The following TXNL4A variants were observed in gnomAD, a reference collection of about 807,000 sequenced individuals.
TXNL4A encodes thioredoxin-like protein 4A.
TXNL4A carries 17 observed loss-of-function variants against 14.6 expected under a neutral mutation model. That is an observed-to-expected ratio of 1.16 (90% confidence interval 0.80 to 1.74). TXNL4A has a LOEUF of 1.74. Ranked by LOEUF, TXNL4A falls within the 40% of genes most tolerant of loss-of-function variation. The pLI is 0.00. For synonymous variants in TXNL4A, 83 were observed against 70.6 expected, an observed-to-expected ratio of 1.18 and a Z score of -0.88; for missense variants, 74 against 195.2, an observed-to-expected ratio of 0.38 and a Z score of 3.70.
chr18:80,006,673 CAAT>C (rs1381118002), intron 1 of TXNL4A, among the ~76,000 whole-genome samples: 9 of 152,146 alleles, frequency 5.9e-5, no homozygotes, highest in Non-Finnish European at 1.0e-4. Flanking sequence ...CGTAGACCCA[CAAT>C]GAGTGAGTTT....
At chr18:79,975,095 G>A (rs979719444) in intron 2 of TXNL4A, among the ~76,000 whole-genome samples, 4 of 152,154 alleles carry the variant, frequency 2.6e-5, no homozygotes, top group African/African-American at 9.7e-5. Context: ...ACAATGACTG[G>A]GGGCTGCCCG....
chr18:80,006,081 C>A (rs957693250), intron 1 of TXNL4A, among the ~76,000 whole-genome samples: 1 of 151,580 alleles, frequency 6.6e-6, no homozygotes, highest in African/African-American at 2.4e-5. Context: ...GCAAGATAGA[C>A]CTTATCTCTA....
intron 1 of TXNL4A, among the ~76,000 whole-genome samples, chr18:80,002,859 T>C (rs2051706610): frequency 6.6e-6 from 1 of 152,226 alleles, no homozygotes; most frequent in Non-Finnish European, 1.5e-5. Flanking sequence ...TCTTTCTCAC[T>C]GTGGTGCCAA....
At chr18:79,975,489 CCT>C (rs1051405972) in intron 2 of TXNL4A, among the ~76,000 whole-genome samples, 30 of 152,364 alleles carry the variant, frequency 2.0e-4, no homozygotes, top group African/African-American at 6.7e-4. Flanking sequence ...CCTCCTTGCC[CCT>C]CACAGCATCT....
chr18:79,990,833 G>A (rs567497501), upstream of TXNL4A, among the ~76,000 whole-genome samples: 20 of 152,224 alleles, frequency 1.3e-4, no homozygotes, highest in East Asian at 3.3e-3. Flanking sequence ...GGCCGGGCGC[G>A]GTGGCTCACG....
At chr18:79,992,279 C>T (rs2051633036), upstream of TXNL4A, among the ~76,000 whole-genome samples, 1 of 152,172 alleles carries the variant, frequency 6.6e-6, no homozygotes, top group African/African-American at 2.4e-5. Flanking sequence ...GTGACTGTTC[C>T]TCAGTGGCCA....
At chr18:80,019,051 T>C (rs903528399) in intron 1 of TXNL4A, among the ~76,000 whole-genome samples, 8 of 152,240 alleles carry the variant, frequency 5.3e-5, no homozygotes, top group Non-Finnish European at 1.0e-4. Context: ...CAAACTTTCC[T>C]ACACTTTCCT....
In TXNL4A at chr18:80,004,406, G is replaced by T. The variant is rs1181968815; in HGVS notation, c.-60-26705C>A. ...TGGGTGCCTCTCCCACCTTACCTGT[G>T]GGTAGGAAGGGGGCTGCATCTCTCA... On this transcript the variant is annotated intron_variant, in intron 1 of 2. Transcript: ENST00000585474. Among the ~76,000 whole-genome samples the T allele has an allele frequency of 3.4e-4, 51 of 152,176 alleles. 2 individuals carry two copies. The highest frequency in any genetic ancestry group is 3.3e-3 in the Admixed American group (51 of 15,276).
rs867566455 is a variant in TXNL4A at position 80,014,396 on chromosome 18, C to G, written c.-61+19455G>C. Among the ~76,000 whole-genome samples, 7 of 152,274 alleles carry G rather than the reference C, an allele frequency of 4.6e-5. 1 individual carries two copies. In the Middle Eastern group the frequency reaches 0.01, roughly 222 times the overall value. The stretch of plus-strand genomic sequence containing the variant: ...CAGGTATTGGGTAAATACAGCCATT[C>G]CAAATGGGAGAAACTGGCCAAAACA... On this transcript the variant is annotated intron_variant, in intron 1 of 2. Transcript: ENST00000585474.
At position 79,971,286 on chromosome 18, in the gene TXNL4A, C is replaced by G. The variant is rs976690995; in HGVS notation, c.*2399G>C. 4.6e-5 allele frequency: 7 copies of G among 152,218 alleles called. No individual in the cohort carries two copies. Among genetic ancestry groups the G allele is most frequent in the African/African-American group, 1.4e-4 (6 of 41,438 alleles). 9.4% of individuals were successfully genotyped at this position (152,218 alleles called of 1,614,324 possible). ...TATGTGGACATATGCGTTCAATTCT[C>G]CTGGGTATGAAACTGCTGGGTCAAA... On this transcript the variant is annotated 3_prime_UTR_variant, in exon 3 of 3. Transcript: ENST00000269601.
intron 1 of TXNL4A, among the ~76,000 whole-genome samples, chr18:79,999,909 C>T (rs934474381): frequency 6.6e-6 from 1 of 152,144 alleles, no homozygotes; most frequent in Non-Finnish European, 1.5e-5. Context: ...AGGGGAAACC[C>T]CTTTTGCTTG....
chr18:79,989,165 C>T (rs149217331), upstream of TXNL4A, among the ~76,000 whole-genome samples: 183 of 152,128 alleles, frequency 1.2e-3, 1 homozygote, highest in African/African-American at 4.1e-3. Context: ...TTTTTTGAGA[C>T]GTGCAGTGAC....
At chr18:79,979,431 T>C (rs1475973184) in intron 1 of TXNL4A, 1 of 152,250 alleles carries the variant, frequency 6.6e-6, no homozygotes, top group Admixed American at 6.5e-5. Context: ...GACTGGATCA[T>C]GGGATGAATT....
At chr18:80,013,854 G>A (rs958535131) in intron 1 of TXNL4A, among the ~76,000 whole-genome samples, 1 of 152,156 alleles carries the variant, frequency 6.6e-6, no homozygotes, top group Non-Finnish European at 1.5e-5. Context: ...CTGAAACTAG[G>A]AACAACAACA....
At chr18:79,984,053 A>T (rs190802813) in intron 1 of TXNL4A, among the ~76,000 whole-genome samples, 2 of 152,252 alleles carry the variant, frequency 1.3e-5, no homozygotes, top group Admixed American at 1.3e-4. Context: ...CCACGGCTCA[A>T]CATCACCCCT....
In TXNL4A at chr18:79,972,746, A is replaced by T. The variant is rs947861702; in HGVS notation, c.*939T>A. Reference sequence around the variant, plus strand: ...CCAAAGTGCTGGGATTACAGGTGTGAGCCACCGTGCCTGGCCAATAAGGAA... The same window carrying T: ...CCAAAGTGCTGGGATTACAGGTGTGTGCCACCGTGCCTGGCCAATAAGGAA... On this transcript the variant is annotated 3_prime_UTR_variant, in exon 3 of 3. Coordinates refer to ENST00000269601, the MANE Select transcript of TXNL4A (RefSeq NM_006701.5). The T allele has an allele frequency of 2.0e-5, 3 of 152,212 alleles. No individual in the cohort carries two copies. Among genetic ancestry groups the T allele is most frequent in the African/African-American group, 4.8e-5 (2 of 41,454 alleles). The allele number at this position is 152,212 out of a possible 1,614,324, so 9.4% of individuals were successfully genotyped here.
intron 1 of TXNL4A, 131 bp downstream of exon 1, chr18:79,988,109 A>T: frequency 8.9e-7 from 1 of 1,129,806 alleles, no homozygotes; most frequent in Non-Finnish European, 1.2e-6. Flanking sequence ...CGAGGGGAGG[A>T]ATCGCCTGAA....
chr18:79,983,831 G>A (rs942325112), intron 1 of TXNL4A, among the ~76,000 whole-genome samples: 7 of 152,220 alleles, frequency 4.6e-5, no homozygotes, highest in African/African-American at 1.4e-4. Flanking sequence ...CCCTATGAGT[G>A]AGGCACAAGT....
chr18:80,005,869 C>CT lies in TXNL4A; in HGVS notation c.-61+27981_-61+27982insA, dbSNP rs1479043518. ...CAGAGGTTGCAGTTAGCTGAGATCG[C>CT]ACCACTGCACTCCAGCCTGGGTGAC... On this transcript the variant is annotated intron_variant, in intron 1 of 2. Coordinates refer to the TXNL4A transcript ENST00000585474. Among the ~76,000 whole-genome samples the CT allele has an allele frequency of 4.6e-5, 7 of 151,814 alleles. No homozygotes were observed. In the South Asian group the frequency reaches 1.2e-3, roughly 27 times the overall value.
Sources: gnomAD v4.1 joint callset for allele counts (sites outside exome capture counted in the v4.1 genomes callset) on GRCh38, gnomAD v4.1.1 for gene constraint, MANE v1.5 for transcripts, NCBI Gene and HGNC (gene_info 2026-07-23, HGNC 2026-07-21) for gene names.